The following CD109 variants were observed in gnomAD, a reference collection of about 807,000 sequenced individuals.
CD109 encodes CD109 antigen.
A neutral mutation model predicts 165.8 loss-of-function variants in CD109; 149 were observed. The ratio of observed to expected loss-of-function variants is 0.90; its 90% CI spans 0.79 to 1.03. The LOEUF (loss-of-function observed/expected upper bound fraction) is 1.03. Ranked by LOEUF, CD109 falls within the 50% of genes least tolerant of loss-of-function variation. The pLI, the probability that CD109 is intolerant of heterozygous loss-of-function variation, is 0.00. For synonymous variants in CD109, 585 were observed against 592.1 expected (o/e 0.99, Z 0.18); for missense variants, 1,712 against 1,677.8 (o/e 1.02, Z -0.36).
In CD109 at chr6:73,807,080, G is replaced by A. The variant is rs189278007; in HGVS notation, c.3189+8G>A. The A allele has an allele frequency of 3.7e-4, 585 of 1,592,104 alleles. 5 individuals carry two copies. The African/African-American group carries it at 6.1e-3, about 17-fold the overall frequency. ...GGATATAGAAAGTATCAGGTATTTC[G>A]TATTTAATTTAATAAATGATAGATG... is the stretch of plus-strand genomic sequence containing the variant. On this transcript the variant is annotated splice_region_variant and intron_variant, in intron 25 of 32. Transcript: ENST00000287097.
intron 2 of CD109, among the ~76,000 whole-genome samples, chr6:73,718,805 G>A (rs1771838996): frequency 6.6e-6 from 1 of 152,094 alleles, no homozygotes; most frequent in African/African-American, 2.4e-5. Flanking sequence ...AGAACACTCT[G>A]TAAGTGGTAT....
intron 23 of CD109, among the ~76,000 whole-genome samples, chr6:73,795,693 C>T (rs1036674279): frequency 8.5e-5 from 13 of 152,114 alleles, no homozygotes; most frequent in Non-Finnish European, 1.8e-4. Context: ...GGCGAGTTTC[C>T]CCTTGGGAGG....
At chr6:73,797,866 C>T (rs1159392830) in intron 23 of CD109, among the ~76,000 whole-genome samples, 1 of 152,120 alleles carries the variant, frequency 6.6e-6, no homozygotes, top group Non-Finnish European at 1.5e-5. Context: ...TGGACTTCTT[C>T]TGCATTTCAA....
At chr6:73,730,700 C>A in intron 4 of CD109, 126 bp downstream of exon 4, 1 of 650,912 alleles carries the variant, frequency 1.5e-6, no homozygotes, top group Non-Finnish European at 2.6e-6. Flanking sequence ...TCCCTCCCAA[C>A]ATGGAACTCC....
chr6:73,791,116 G>A (rs1774913662), intron 22 of CD109, among the ~76,000 whole-genome samples: 1 of 103,312 alleles, frequency 9.7e-6, no homozygotes, highest in Non-Finnish European at 1.9e-5. Flanking sequence ...TTTATTTGGA[G>A]GCATATATAT....
At chr6:73,781,880 C>T (rs1425490212) in intron 17 of CD109, among the ~76,000 whole-genome samples, 1 of 150,134 alleles carries the variant, frequency 6.7e-6, no homozygotes, top group Non-Finnish European at 1.5e-5. Flanking sequence ...TATATCTGTA[C>T]ATCCTAGTTT....
At chr6:73,730,602 G>C (rs1475321682) in intron 4 of CD109, 28 bp downstream of exon 4, 1 of 1,455,192 alleles carries the variant, frequency 6.9e-7, no homozygotes, top group East Asian at 2.3e-5. Flanking sequence ...ATGAAGCAAG[G>C]AATTCTAGCC....
At chr6:73,792,188 GT>G (rs1174553549) in intron 22 of CD109, among the ~76,000 whole-genome samples, 2 of 151,968 alleles carry the variant, frequency 1.3e-5, no homozygotes, top group African/African-American at 4.8e-5. Context: ...AATCCTCATT[GT>G]TTTTTTAAAA....
intron 6 of CD109, 152 bp from the exon 7 acceptor site, chr6:73,758,792 T>G: frequency 1.5e-6 from 1 of 647,618 alleles, no homozygotes; most frequent in Non-Finnish European, 2.7e-6. Flanking sequence ...AAATTTAAGT[T>G]CAAATAGTAC....
At chr6:73,703,649 T>C (rs926982280) in intron 2 of CD109, among the ~76,000 whole-genome samples, 1 of 152,138 alleles carries the variant, frequency 6.6e-6, no homozygotes, top group Admixed American at 6.6e-5. Flanking sequence ...TCTTCTGATA[T>C]GGAAGAAAAT....
In CD109 at chr6:73,818,400, G is replaced by A. The variant is rs888472256; in HGVS notation, c.3924G>A (p.Pro1308=). ...CTCTTTGATTTAGCTTTTCGGGCCCGGGTAGGAGTGGCATGGCTCTTATGG... is the reference window on the plus strand; with the variant it reads ...CTCTTTGATTTAGCTTTTCGGGCCCAGGTAGGAGTGGCATGGCTCTTATGG... ...DLNVCTSFSG[P]GRSGMALMEV... The change falls in exon 31 of 33, where the codon CCG becomes CCA. Residue 1308 remains proline, a synonymous_variant. Coordinates refer to ENST00000287097, the MANE Select transcript of CD109 (RefSeq NM_133493.5). 4.3e-6 allele frequency: 7 copies of A among 1,613,784 alleles called. No individual in the cohort carries two copies. The highest frequency in any genetic ancestry group is 3.3e-5 in the Admixed American group (2 of 59,926).
At chr6:73,756,539 T>C (rs559419270) in intron 5 of CD109, 104 bp from the exon 6 acceptor site, 1 of 760,656 alleles carries the variant, frequency 1.3e-6, no homozygotes, top group Admixed American at 3.0e-5. Context: ...ATAAATGTAA[T>C]TTAAAAATTA....
intron 23 of CD109, among the ~76,000 whole-genome samples, chr6:73,800,321 T>A (rs1258837910): frequency 6.6e-6 from 1 of 152,238 alleles, no homozygotes; most frequent in Non-Finnish European, 1.5e-5. Context: ...GTCATGTGTG[T>A]GTACCATAGT....
At chr6:73,693,617 C>T (rs758930520), upstream of CD109, among the ~76,000 whole-genome samples, 2 of 152,226 alleles carry the variant, frequency 1.3e-5, no homozygotes, top group Non-Finnish European at 2.9e-5. Context: ...GTGGCACCAT[C>T]TTGGCTCACT....
At chr6:73,769,697 G>T (rs948923953) in intron 14 of CD109, among the ~76,000 whole-genome samples, 1 of 152,232 alleles carries the variant, frequency 6.6e-6, no homozygotes. Context: ...GGAGCGGCAA[G>T]AGATTTAGGT....
chr6:73,680,265 A>T, the CD109 span, among the ~76,000 whole-genome samples: 104 of 152,286 alleles, frequency 6.8e-4, no homozygotes, highest in African/African-American at 2.4e-3. Flanking sequence ...AGAAATCTGA[A>T]TTGCTAGAAG....
intron 23 of CD109, among the ~76,000 whole-genome samples, chr6:73,795,932 T>C (rs1017244640): frequency 6.6e-6 from 1 of 152,162 alleles, no homozygotes; most frequent in Non-Finnish European, 1.5e-5. Flanking sequence ...TGTCAGCATT[T>C]TATTCAACAC....
Position 73,818,437 on chromosome 6 carries a change from T to C in CD109, c.3961T>C (p.Leu1321=), listed in dbSNP as rs777038098. The change falls in exon 31 of 33, where the codon TTA becomes CTA. Residue 1321 remains leucine (L), a synonymous_variant. Coordinates refer to ENST00000287097, the MANE Select transcript of CD109 (RefSeq NM_133493.5). ...SGMALMEVNL[L]SGFMVPSEAI... is the part of the protein sequence containing the mutation. ...CATGGCTCTTATGGAAGTTAACCTA[T>C]TAAGTGGCTTTATGGTGCCTTCAGA... The C allele has an allele frequency of 6.2e-7, 1 of 1,613,848 alleles. No homozygotes were observed. Among genetic ancestry groups the C allele is most frequent in the East Asian group, 2.2e-5 (1 of 44,856 alleles).
At chr6:73,800,777 C>T (rs562290440) in intron 23 of CD109, among the ~76,000 whole-genome samples, 5 of 151,868 alleles carry the variant, frequency 3.3e-5, no homozygotes, top group Non-Finnish European at 7.4e-5. Flanking sequence ...GCTTTTTATC[C>T]TTTACCCTAA....
Sources: gnomAD v4.1 joint callset for allele counts (sites outside exome capture counted in the v4.1 genomes callset) on GRCh38, gnomAD v4.1.1 for gene constraint, MANE v1.5 for transcripts, NCBI Gene and HGNC (gene_info 2026-07-23, HGNC 2026-07-21) for gene names.